C1D: variants seen among roughly 807,000 people sequenced by gnomAD.
C1D encodes the protein C1D nuclear receptor corepressor, also known as nuclear nucleic acid-binding protein C1D.
C1D carries 10 observed loss-of-function variants against 17.5 expected under a neutral mutation model. The ratio of observed to expected loss-of-function variants is 0.57; its 90% CI spans 0.35 to 0.97. The LOEUF is 0.97. C1D is among the 50% of genes least tolerant of loss of function. The pLI, the probability that C1D is intolerant of heterozygous loss-of-function variation, is 0.01. For synonymous variants in C1D, 49 were observed against 54.0 expected (o/e 0.91, Z 0.40); for missense variants, 136 against 160.1 (o/e 0.85, Z 0.81).
intron 1 of C1D, among the ~76,000 whole-genome samples, chr2:68,054,898 C>T (rs373309206): frequency 6.6e-6 from 1 of 150,908 alleles, no homozygotes; most frequent in Non-Finnish European, 1.5e-5. Context: ...TCTAGGAGTT[C>T]GAGGCTGCAG....
chr2:68,050,241 C>T (rs768147359), intron 1 of C1D, among the ~76,000 whole-genome samples: 23 of 151,956 alleles, frequency 1.5e-4, no homozygotes, highest in Non-Finnish European at 2.8e-4. Context: ...TCAAACTGTC[C>T]GTCTGCTGGA....
intron 1 of C1D, chr2:68,053,326 A>C: frequency 9.8e-7 from 1 of 1,018,088 alleles, no homozygotes. Flanking sequence ...GGAGAAAACA[A>C]GAGTGCATAG....
Position 68,061,786 on chromosome 2 carries a change from T to G in C1D, c.-10+1172A>C, listed in dbSNP as rs548181589. 8.9e-3 allele frequency among the ~76,000 whole-genome samples: 1,362 copies of G among 152,310 alleles called. 12 individuals are homozygous for G. The highest frequency in any genetic ancestry group is 0.031 in the African/African-American group (1,297 of 41,570). ...GAAACAGTAGCTGAGATAATACATA[T>G]GAAGAGCCATTTGAAAAGGTAAAAG... On this transcript the variant is annotated intron_variant, in intron 1 of 4. Transcript: ENST00000410067.
At position 68,042,691 on chromosome 2, in the gene C1D, A is replaced by C; in HGVS notation, c.*198T>G. The C allele has an allele frequency of 2.6e-6, 1 of 389,886 alleles. No homozygotes were observed. The highest frequency in any genetic ancestry group is 4.9e-6 in the Non-Finnish European group (1 of 205,900). The allele number at this position is 389,886 out of a possible 1,614,324, so 24.2% of individuals were successfully genotyped here. On this transcript the variant is annotated 3_prime_UTR_variant, in exon 5 of 5. Coordinates refer to ENST00000410067, the MANE Select transcript of C1D (RefSeq NM_173177.3). ...AAATTATAAATATATAATATATCAC[A>C]ATGTTAAAATCCTCAGTGCTAATCA...
intron 1 of C1D, among the ~76,000 whole-genome samples, chr2:68,057,072 T>A (rs867480945): frequency 6.6e-6 from 1 of 152,192 alleles, no homozygotes; most frequent in African/African-American, 2.4e-5. Context: ...AGTGAAAAGG[T>A]ACGAGGTACA....
intron 4 of C1D, among the ~76,000 whole-genome samples, chr2:68,043,578 T>C (rs557901536): frequency 6.6e-6 from 1 of 152,292 alleles, no homozygotes; most frequent in South Asian, 2.1e-4. Context: ...AATTTTATAA[T>C]TTTGGTAAGT....
intron 3 of C1D, 57 bp from the exon 4 acceptor site, chr2:68,046,100 C>CGGAAAATCGCTTCAACCTGGGAGGCAG: frequency 8.3e-7 from 1 of 1,208,584 alleles, no homozygotes; most frequent in Non-Finnish European, 1.2e-6. Flanking sequence ...TAAAACATTC[C>CGGAAAATCGCTTCAACCTGGGAGGCAG]AATTAAAGAA....
At chr2:68,052,711 G>C (rs1435544304) in intron 1 of C1D, among the ~76,000 whole-genome samples, 3 of 152,084 alleles carry the variant, frequency 2.0e-5, no homozygotes, top group African/African-American at 7.2e-5. Flanking sequence ...ATAAAGACAA[G>C]GGGGACTAAA....
At chr2:68,049,141 G>C (rs1671212488) in intron 1 of C1D, among the ~76,000 whole-genome samples, 1 of 150,994 alleles carries the variant, frequency 6.6e-6, no homozygotes, top group South Asian at 2.1e-4. Flanking sequence ...AGGTTGCAGT[G>C]AGCCAAGATT....
chr2:68,055,932 G>A (rs553704156), intron 1 of C1D, among the ~76,000 whole-genome samples: 89 of 152,290 alleles, frequency 5.8e-4, no homozygotes, highest in African/African-American at 1.9e-3. Context: ...AGAAGGTGTC[G>A]TCTAGAATAT....
At chr2:68,055,741 G>A (rs1188558096) in intron 1 of C1D, among the ~76,000 whole-genome samples, 1 of 152,086 alleles carries the variant, frequency 6.6e-6, no homozygotes, top group Non-Finnish European at 1.5e-5. Flanking sequence ...GAAGTATAGA[G>A]GGGTAAAATT....
At chr2:68,051,726 T>C (rs1034693533) in intron 1 of C1D, among the ~76,000 whole-genome samples, 8 of 151,980 alleles carry the variant, frequency 5.3e-5, no homozygotes, top group African/African-American at 1.9e-4. Context: ...TCTTCCTCCC[T>C]TACCAATACC....
chr2:68,046,700 G>T (rs1292831496), intron 2 of C1D: 2 of 335,254 alleles, frequency 6.0e-6, no homozygotes, highest in Non-Finnish European at 1.1e-5. Flanking sequence ...TTAATTTCGG[G>T]AGTTACGATC....
chr2:68,062,925 G>T (rs988920862), intron 1 of C1D, 33 bp downstream of exon 1: 1 of 152,188 alleles, frequency 6.6e-6, no homozygotes, highest in African/African-American at 2.4e-5. Flanking sequence ...ACAGGAGCAG[G>T]AGAAAAACTG....
chr2:68,042,832 G>GGGGC lies in C1D; in HGVS notation c.*56_*57insGCCC. The GGGGC allele has an allele frequency of 2.5e-5, 1 of 39,308 alleles. No individual in the cohort carries two copies. Among genetic ancestry groups the GGGGC allele is most frequent in the Non-Finnish European group, 4.6e-5 (1 of 21,768 alleles). The allele number at this position is 39,308 out of a possible 1,614,324, so 2.4% of individuals were successfully genotyped here. On this transcript the variant is annotated 3_prime_UTR_variant, in exon 5 of 5. Coordinates refer to ENST00000410067, the MANE Select transcript of C1D (RefSeq NM_173177.3). ...CCCTGCCACAGAATTATTTTGCGGGGGGGGGGGGGGGGGGGAAGATGTACT... is the reference window on the plus strand; with the variant it reads ...CCCTGCCACAGAATTATTTTGCGGGGGGGCGGGGGGGGGGGGGGGAAGATGTACT...
intron 1 of C1D, among the ~76,000 whole-genome samples, chr2:68,050,144 T>C (rs1382665687): frequency 6.6e-6 from 1 of 152,216 alleles, no homozygotes; most frequent in Non-Finnish European, 1.5e-5. Flanking sequence ...TTTAAGAATC[T>C]AGCCTATAAA....
chr2:68,044,699 C>A (rs1429442373), intron 4 of C1D, among the ~76,000 whole-genome samples: 1 of 151,588 alleles, frequency 6.6e-6, no homozygotes, highest in African/African-American at 2.4e-5. Flanking sequence ...CAGAGCAAGA[C>A]TCCATCTCAA....
At chr2:68,046,091 A>G (rs1381863044) in intron 3 of C1D, 48 bp from the exon 4 acceptor site, 1 of 1,283,786 alleles carries the variant, frequency 7.8e-7, no homozygotes, top group Non-Finnish European at 1.1e-6. Context: ...GTATTAATTT[A>G]AAACATTCCA....
In C1D at chr2:68,042,209, C is replaced by A. The variant is rs1208269611; in HGVS notation, c.*680G>T. ...GATAAAAATACACAGGTCAGTTATA[C>A]AACATTTTCAGCCTTTATTGAGAGT... On this transcript the variant is annotated 3_prime_UTR_variant, in exon 5 of 5. Coordinates refer to ENST00000410067, the MANE Select transcript of C1D (RefSeq NM_173177.3). 1 of 152,394 alleles carries A rather than the reference C, an allele frequency of 6.6e-6. No homozygotes were observed. Among genetic ancestry groups the A allele is most frequent in the Non-Finnish European group, 1.5e-5 (1 of 67,958 alleles). 9.4% of individuals were successfully genotyped at this position (152,394 alleles called of 1,614,324 possible).
Sources: gnomAD v4.1 joint callset for allele counts (sites outside exome capture counted in the v4.1 genomes callset) on GRCh38, gnomAD v4.1.1 for gene constraint, MANE v1.5 for transcripts, NCBI Gene and HGNC (gene_info 2026-07-23, HGNC 2026-07-21) for gene names.